Variants in TTC21A observed in about 807,000 individuals in gnomAD.
TTC21A encodes tetratricopeptide repeat domain 21A, also known as tetratricopeptide repeat protein 21A.
Under a neutral mutation model 156.4 loss-of-function variants are expected in TTC21A, and 128 were observed. The observed-to-expected ratio is 0.82, with a 90% confidence interval of 0.71 to 0.95. The LOEUF is 0.95. TTC21A is among the 40% of genes least tolerant of loss of function. The pLI is 0.00. For missense variants in TTC21A, 1,435 were observed against 1,602.3 expected (o/e 0.90, Z 1.78); for synonymous variants, 587 against 617.1 (o/e 0.95, Z 0.72).
At position 39,125,529 on chromosome 3, in the gene TTC21A, G is replaced by A. The variant is rs751132679; in HGVS notation, c.1389G>A (p.Lys463=). Residue 463 remains lysine (K), a synonymous_variant, in exon 11 of 29, where the codon AAG becomes AAA. Coordinates refer to ENST00000683103, the MANE Select transcript of TTC21A (RefSeq NM_001366900.1). ...IAKEYLLFCP[K]QPRLPGQIVS... ...AGGAGTACTTGCTCTTCTGCCCCAA[G>A]CAGGTTAGGGGAAGGCCTGTCTTCA... 1 of 1,610,274 alleles carries A rather than the reference G, an allele frequency of 6.2e-7. No homozygotes were observed.
At chr3:39,108,136 T>C in intron 1 of TTC21A, 1 of 571,718 alleles carries the variant, frequency 1.7e-6, no homozygotes, top group South Asian at 2.2e-5. Flanking sequence ...CATCCCTTCT[T>C]CCACCCAGCT....
intron 1 of TTC21A, 30 bp downstream of exon 1, chr3:39,107,894 C>T: frequency 6.2e-7 from 1 of 1,610,676 alleles, no homozygotes. Context: ...TCCGAGGGCT[C>T]CCTCGTGACT....
chr3:39,137,417 G>A, intron 25 of TTC21A, 30 bp downstream of exon 25: 1 of 1,609,694 alleles, frequency 6.2e-7, no homozygotes, highest in South Asian at 1.1e-5. Flanking sequence ...GCGGGCATGG[G>A]CAGGTGGCAG....
At chr3:39,136,758 G>T in intron 23 of TTC21A, 141 bp from the exon 24 acceptor site, 1 of 1,151,896 alleles carries the variant, frequency 8.7e-7, no homozygotes, top group Non-Finnish European at 1.2e-6. Flanking sequence ...CAGGTCCGAC[G>T]CCCGCATCTC....
chr3:39,129,357 CT>C, intron 15 of TTC21A, 47 bp downstream of exon 15: 1 of 1,400,030 alleles, frequency 7.1e-7, no homozygotes, highest in Non-Finnish European at 1.0e-6. Flanking sequence ...CCAATGGTAT[CT>C]TAGGGAGTGT....
rs568578264 is a variant in TTC21A at position 39,138,750 on chromosome 3, G to A, written c.3904G>A (p.Glu1302Lys). 1 of 1,614,104 alleles carries A rather than the reference G, an allele frequency of 6.2e-7. No individual in the cohort carries two copies. Among genetic ancestry groups the A allele is most frequent in the South Asian group, 1.1e-5 (1 of 91,068 alleles). The change falls in exon 29 of 29, where the codon GAA becomes AAA. Residue 1302 changes from glutamate (E) to lysine (K), a missense_variant. Transcript: ENST00000683103. ...CCCCGACTACCCCAAGATCAGGGAG[G>A]AAATTTTGGAAAAGGCCCGAAGGTC... Reference protein sequence around the residue: ...EHPDYPKIREEILEKARRSLR... With the variant: ...EHPDYPKIREKILEKARRSLR...
chr3:39,131,004 C>A lies in TTC21A; in HGVS notation c.2471C>A (p.Pro824Gln). The change falls in exon 19 of 29, where the codon CCA (proline) becomes CAA (glutamine). Residue 824 changes from proline to glutamine, a missense_variant. Coordinates refer to ENST00000683103, the MANE Select transcript of TTC21A (RefSeq NM_001366900.1). ...ALEHDIVQDI[P>Q]SMMNDVKCLL... Reference sequence around the variant, plus strand: ...TTCCATTTAACAGTCCAAGACATCCCATCCATGATGAATGATGTTAAGTGC... The same window carrying A: ...TTCCATTTAACAGTCCAAGACATCCAATCCATGATGAATGATGTTAAGTGC... 6.2e-7 allele frequency: 1 copy of A among 1,613,810 alleles called. No homozygotes were observed. The highest frequency in any genetic ancestry group is 1.1e-5 in the South Asian group (1 of 90,990).
intron 6 of TTC21A, among the ~76,000 whole-genome samples, chr3:39,116,520 G>A (rs938546476): frequency 6.6e-6 from 1 of 151,256 alleles, no homozygotes; most frequent in Non-Finnish European, 1.5e-5. Context: ...TTGTTGCCTA[G>A]GCTGGAGTGA....
intron 5 of TTC21A, among the ~76,000 whole-genome samples, chr3:39,114,274 C>G (rs536568443): frequency 6.6e-6 from 1 of 152,366 alleles, no homozygotes; most frequent in East Asian, 1.9e-4. Flanking sequence ...GACCTCACCT[C>G]TCCCCTTCAG....
rs1441964601 is a variant in TTC21A at position 39,130,235 on chromosome 3, C to T, written c.2209-13C>T. On this transcript the variant is annotated splice_polypyrimidine_tract_variant and intron_variant, in intron 16 of 28. Coordinates refer to ENST00000683103, the MANE Select transcript of TTC21A (RefSeq NM_001366900.1). This position sits in a 1 kb window ranked among gnomAD's most constrained non-coding sequence, Gnocchi z 4.5. ...GAGAGAAGAGGAAGACCCAAAGACACTTTCCCCACCAGCCCGAGAAGGCCC... is the reference window on the plus strand; with the variant it reads ...GAGAGAAGAGGAAGACCCAAAGACATTTTCCCCACCAGCCCGAGAAGGCCC... 1.2e-6 allele frequency: 2 copies of T among 1,612,520 alleles called. No individual in the cohort carries two copies. The highest frequency in any genetic ancestry group is 1.3e-5 in the African/African-American group (1 of 74,906).
intron 12 of TTC21A, among the ~76,000 whole-genome samples, chr3:39,127,316 A>G (rs977857573): frequency 1.3e-5 from 2 of 152,168 alleles, no homozygotes; most frequent in Non-Finnish European, 2.9e-5. Flanking sequence ...CTGGCATTGC[A>G]TCGTGTGGGT....
At chr3:39,138,179 C>CTTCTGG in intron 26 of TTC21A, 88 bp from the exon 27 acceptor site, 1 of 1,587,642 alleles carries the variant, frequency 6.3e-7, no homozygotes, top group Non-Finnish European at 8.6e-7. Flanking sequence ...CCCTTGCCTG[C>CTTCTGG]TTCTGGTTCT....
At chr3:39,120,172 C>G (rs2037645516) in intron 8 of TTC21A, 152 bp downstream of exon 8, 3 of 599,914 alleles carry the variant, frequency 5.0e-6, no homozygotes, top group Non-Finnish European at 8.9e-6. Flanking sequence ...CCTGCTGTGC[C>G]TACTTGCCTC....
intron 12 of TTC21A, 22 bp from the exon 13 acceptor site, chr3:39,128,309 G>C (rs1296725267): frequency 1.2e-6 from 2 of 1,612,352 alleles, no homozygotes; most frequent in Admixed American, 1.7e-5. Context: ...CCTGCATGTA[G>C]AGGTTTGTGT....
At chr3:39,129,810 G>A (rs74340635) in intron 15 of TTC21A, among the ~76,000 whole-genome samples, 5,297 of 152,264 alleles carry the variant, frequency 0.035, 188 homozygotes, top group East Asian at 0.16. Context: ...TGACATTGCT[G>A]CCTCATGGAG....
Position 39,128,858 on chromosome 3 carries a change from C to G in TTC21A, c.1822C>G (p.Pro608Ala). ...GGAAGAAGGCAGAAAGTTCCTCAGG[C>G]CCTCTGTGCAGCCTAGCCAGCGGGC... ...KKEEGRKFLR[P>A]SVQPSQRASI... is the part of the protein sequence containing the mutation. The change falls in exon 14 of 29, where the codon CCC becomes GCC. Residue 608 changes from proline to alanine, a missense_variant. Transcript: ENST00000683103. The G allele has an allele frequency of 6.2e-7, 1 of 1,614,192 alleles. No homozygotes were observed. Among genetic ancestry groups the G allele is most frequent in the Non-Finnish European group, 8.5e-7 (1 of 1,180,032 alleles).
intron 6 of TTC21A, among the ~76,000 whole-genome samples, chr3:39,117,663 G>A (rs988847856): frequency 1.3e-5 from 2 of 152,196 alleles, no homozygotes; most frequent in African/African-American, 4.8e-5. Context: ...AGTTGGTGGT[G>A]GCTCAGGGCT....
chr3:39,132,551 G>A (rs144129702), intron 19 of TTC21A, among the ~76,000 whole-genome samples: 1 of 152,338 alleles, frequency 6.6e-6, no homozygotes, highest in African/African-American at 2.4e-5. Flanking sequence ...GGGGAGCCAA[G>A]TGCTGATTCC....
rs1186217751 is a variant in TTC21A at position 39,134,012 on chromosome 3, C to T, written c.2752-206C>T. ...ATGAAAATGTGTTAGCTTGGCCCAACTTTCAGAGGTTAGTAAGACACAGGG... is the reference window on the plus strand; with the variant it reads ...ATGAAAATGTGTTAGCTTGGCCCAATTTTCAGAGGTTAGTAAGACACAGGG... On this transcript the variant is annotated intron_variant, in intron 20 of 28. Transcript: ENST00000683103. This position sits in a 1 kb window ranked among gnomAD's most constrained non-coding sequence, Gnocchi z 4.6. Among the ~76,000 whole-genome samples, 1 of 152,142 alleles carries T rather than the reference C, an allele frequency of 6.6e-6. No individual in the cohort carries two copies. The highest frequency in any genetic ancestry group is 1.5e-5 in the Non-Finnish European group (1 of 68,028).
Sources: allele counts gnomAD v4.1 joint callset (sites outside exome capture counted in the v4.1 genomes callset), GRCh38; gene constraint gnomAD v4.1.1; non-coding constraint Gnocchi (gnomAD v3.1); transcripts MANE v1.5; gene names NCBI Gene and HGNC (gene_info 2026-07-23, HGNC 2026-07-21).